The following SMOC2 variants were observed in gnomAD, a reference collection of about 807,000 sequenced individuals.
SMOC2 encodes the protein SPARC related modular calcium binding 2.
In SMOC2, 39 loss-of-function variants were observed where a neutral mutation model predicts 61.4. The observed-to-expected ratio is 0.64, with a 90% confidence interval of 0.49 to 0.83. The LOEUF (loss-of-function observed/expected upper bound fraction) is 0.83. SMOC2 is among the 40% of genes least tolerant of loss of function. SMOC2 has a pLI of 0.00. For missense variants in SMOC2, 556 were observed against 592.9 expected, an observed-to-expected ratio of 0.94 and a Z score of 0.65; for synonymous variants, 247 against 239.9, an observed-to-expected ratio of 1.03 and a Z score of -0.27.
chr6:168,666,299 C>A, intron 12 of SMOC2, 122 bp from the exon 13 acceptor site: 2 of 1,042,752 alleles, frequency 1.9e-6, no homozygotes, highest in Non-Finnish European at 1.4e-6. Context: ...ATACTTACAC[C>A]TCACATGACC....
At chr6:168,529,634 G>C (rs572689289) in intron 4 of SMOC2, among the ~76,000 whole-genome samples, 1 of 152,330 alleles carries the variant, frequency 6.6e-6, no homozygotes, top group Non-Finnish European at 1.5e-5. Flanking sequence ...GAAACTTTAT[G>C]GAGTCATGGC....
intron 11 of SMOC2, among the ~76,000 whole-genome samples, chr6:168,659,714 C>A (rs200584341): frequency 5.7e-4 from 1 of 1,764 alleles, no homozygotes; most frequent in East Asian, 0.015. Context: ...AGGTTGTAGG[C>A]TGAGTGAGGG....
At chr6:168,569,606 A>T (rs2115138786) in intron 7 of SMOC2, among the ~76,000 whole-genome samples, 1 of 152,038 alleles carries the variant, frequency 6.6e-6, no homozygotes, top group East Asian at 1.9e-4. Flanking sequence ...ACGCCTGGTT[A>T]GTTTTTATTT....
At chr6:168,516,223 G>C (rs73791046) in intron 2 of SMOC2, among the ~76,000 whole-genome samples, 9,428 of 152,208 alleles carry the variant, frequency 0.062, 437 homozygotes, top group East Asian at 0.23. Context: ...AACTGCGGTA[G>C]TTTACACTGA....
chr6:168,518,213 G>A (rs1380145281), intron 2 of SMOC2, among the ~76,000 whole-genome samples: 1 of 152,220 alleles, frequency 6.6e-6, no homozygotes, highest in Non-Finnish European at 1.5e-5. Context: ...GCTCCTATCG[G>A]GCAGCATCGA....
At chr6:168,570,237 G>A (rs1450369081) in intron 7 of SMOC2, among the ~76,000 whole-genome samples, 1 of 152,106 alleles carries the variant, frequency 6.6e-6, no homozygotes, top group East Asian at 1.9e-4. Context: ...AGAACTAAAG[G>A]TGACTAGAAA....
intron 7 of SMOC2, among the ~76,000 whole-genome samples, chr6:168,556,500 C>A (rs1224703096): frequency 6.6e-6 from 1 of 152,156 alleles, no homozygotes; most frequent in Non-Finnish European, 1.5e-5. Flanking sequence ...TATTTCACAT[C>A]CCACGCGGGC....
At chr6:168,622,555 G>A (rs1351112047) in intron 9 of SMOC2, among the ~76,000 whole-genome samples, 2 of 151,982 alleles carry the variant, frequency 1.3e-5, no homozygotes, top group African/African-American at 4.8e-5. Context: ...ACCATTTCCT[G>A]ACAGGCAGAC....
At chr6:168,597,779 T>G (rs1486234529) in intron 7 of SMOC2, among the ~76,000 whole-genome samples, 3 of 152,218 alleles carry the variant, frequency 2.0e-5, no homozygotes, top group Non-Finnish European at 2.9e-5. Flanking sequence ...GTGTTCCTGC[T>G]GCAGCCAACA....
chr6:168,653,000 C>A lies in SMOC2; in HGVS notation c.1057C>A (p.His353Asn). ...CCATACCCTAGAGGAGCGGGTGGTG[C>A]ACTGGTACTTCAAACTACTGGATAA... ...PSHTLEERVV[H>N]WYFKLLDKNS... The change falls in exon 11 of 13, where the codon CAC becomes AAC. Residue 353 changes from histidine (H) to asparagine (N), a missense_variant. By Grantham distance (68) the His-to-Asn change is moderately conservative (BLOSUM62 1). Transcript: ENST00000356284. The A allele has an allele frequency of 6.2e-7, 1 of 1,613,992 alleles. No homozygotes were observed. The highest frequency in any genetic ancestry group is 8.5e-7 in the Non-Finnish European group (1 of 1,179,958).
At chr6:168,645,181 G>A (rs1178131368) in intron 9 of SMOC2, among the ~76,000 whole-genome samples, 1 of 152,122 alleles carries the variant, frequency 6.6e-6, no homozygotes, top group Non-Finnish European at 1.5e-5. Context: ...AAGGAGAGAA[G>A]GAGTCACAAA....
At chr6:168,614,778 T>C (rs1186640279) in intron 9 of SMOC2, among the ~76,000 whole-genome samples, 1 of 60,178 alleles carries the variant, frequency 1.7e-5, no homozygotes, top group Admixed American at 1.8e-4. Context: ...GCACAGGGCC[T>C]CTTCACACCT....
chr6:168,445,051 G>A (rs990299752), intron 1 of SMOC2, among the ~76,000 whole-genome samples: 4 of 152,168 alleles, frequency 2.6e-5, no homozygotes, highest in Admixed American at 6.5e-5. Flanking sequence ...TCATACGCAC[G>A]ACTTCGTTAA....
intron 9 of SMOC2, among the ~76,000 whole-genome samples, chr6:168,617,781 T>C (rs538214472): frequency 1.3e-5 from 2 of 152,372 alleles, no homozygotes; most frequent in African/African-American, 4.8e-5. Flanking sequence ...CTGCTTGTTG[T>C]GACCGATGGG....
rs1285224959 is a variant in SMOC2 at position 168,503,300 on chromosome 6, A to T, written c.85-6615A>T. On this transcript the variant is annotated intron_variant, in intron 1 of 12. Coordinates refer to ENST00000356284, the MANE Select transcript of SMOC2 (RefSeq NM_001166412.2). ...AGCATGTTGGCCAGGCTGGTCTCGA[A>T]CTCCTGACCTCAGGTGATTTGCCTG... is the stretch of plus-strand genomic sequence containing the variant. Among the ~76,000 whole-genome samples the T allele has an allele frequency of 4.5e-5, 6 of 133,882 alleles. No individual in the cohort carries two copies. The Admixed American group carries it at 4.7e-4, about 10-fold the overall frequency. 87.8% of individuals were successfully genotyped at this position (133,882 alleles called of 152,430 possible). A position where few individuals can be genotyped will look rare whatever the true frequency, so the allele number is the denominator to read the frequency against.
rs1438372987 is a variant in SMOC2 at position 168,586,960 on chromosome 6, A to G, written c.638-11858A>G. 4.6e-5 allele frequency among the ~76,000 whole-genome samples: 7 copies of G among 152,332 alleles called. No individual in the cohort carries two copies. In the East Asian group the frequency reaches 1.4e-3, roughly 29 times the overall value. The stretch of plus-strand genomic sequence containing the variant: ...ATATGATGTTAGCTATAGACTTTTC[A>G]AATATGCTCTTTATCAGACAGAGAA... On this transcript the variant is annotated intron_variant, in intron 7 of 12. Transcript: ENST00000356284.
chr6:168,502,370 C>T (rs1318310548), intron 1 of SMOC2, among the ~76,000 whole-genome samples: 1 of 152,382 alleles, frequency 6.6e-6, no homozygotes, highest in East Asian at 1.9e-4. Flanking sequence ...CTTCTGCCAT[C>T]GCCAAGGTCA....
intron 8 of SMOC2, among the ~76,000 whole-genome samples, chr6:168,606,530 T>TGTTA (rs1785697150): frequency 6.6e-6 from 1 of 152,202 alleles, no homozygotes; most frequent in African/African-American, 2.4e-5. Flanking sequence ...CTGGGGCCTC[T>TGTTA]GTTAGAACAC....
chr6:168,605,320 A>G lies in SMOC2; in HGVS notation c.825-2837A>G, dbSNP rs112819375. Among the ~76,000 whole-genome samples the G allele has an allele frequency of 8.7e-3, 1,326 of 152,262 alleles. 22 individuals carry two copies. Among genetic ancestry groups the G allele is most frequent in the African/African-American group, 0.028 (1,156 of 41,552 alleles). ...CTTTCAGTGGGGTGTGCAGGGGATCATGTGGGCATAGGACTGCATTTCTCC... is the reference window on the plus strand; with the variant it reads ...CTTTCAGTGGGGTGTGCAGGGGATCGTGTGGGCATAGGACTGCATTTCTCC... On this transcript the variant is annotated intron_variant, in intron 8 of 12. Coordinates refer to ENST00000356284, the MANE Select transcript of SMOC2 (RefSeq NM_001166412.2).
Sources: gnomAD v4.1 joint callset for allele counts (sites outside exome capture counted in the v4.1 genomes callset) on GRCh38, gnomAD v4.1.1 for gene constraint, MANE v1.5 for transcripts, NCBI Gene and HGNC (gene_info 2026-07-23, HGNC 2026-07-21) for gene names.